EDIL3: variants seen among roughly 807,000 people sequenced by gnomAD.
EDIL3 encodes the protein EGF like and discoidin domains 3.
EDIL3 carries 37 observed loss-of-function variants against 67.4 expected under a neutral mutation model. That is an observed-to-expected ratio of 0.55 (90% CI 0.42 to 0.72). The LOEUF is 0.72. Among genes scored for constraint, EDIL3 ranks in the 30% least tolerant of loss-of-function variants. The probability of loss-of-function intolerance (pLI) is 0.00; values close to 1 mark genes in which losing one functional copy is unlikely to be tolerated. For missense variants in EDIL3, 527 were observed against 586.3 expected (o/e 0.90, Z 1.04); for synonymous variants, 195 against 196.3 (o/e 0.99, Z 0.05).
intron 1 of EDIL3, among the ~76,000 whole-genome samples, chr5:84,381,972 G>A (rs1748085604): frequency 6.6e-6 from 1 of 152,166 alleles, no homozygotes; most frequent in Non-Finnish European, 1.5e-5. Context: ...AATGATTGGG[G>A]GCGGGAAGGA....
Position 84,384,419 on chromosome 5 carries a change from C to A in EDIL3, c.-45G>T, listed in dbSNP as rs1449083653. 1.9e-6 allele frequency: 3 copies of A among 1,607,876 alleles called. No homozygotes were observed. The highest frequency in any genetic ancestry group is 1.7e-5 in the Admixed American group (1 of 59,578). ...GACCCCGGCTGGTCAGGGGTCGTCG[C>A]GGAGGGCAGTGTAGCCGAGGTGGCA... On this transcript the variant is annotated 5_prime_UTR_variant, in exon 1 of 11. Transcript: ENST00000296591.
In EDIL3 at chr5:84,265,136, GA is replaced by G. The variant is rs570377349; in HGVS notation, c.68-10925del. Among the ~76,000 whole-genome samples the G allele has an allele frequency of 5.1e-4, 77 of 151,940 alleles. No homozygotes were observed. The Middle Eastern group carries it at 0.01, about 20-fold the overall frequency. On this transcript the variant is annotated intron_variant, in intron 1 of 10. Coordinates refer to ENST00000296591, the MANE Select transcript of EDIL3 (RefSeq NM_005711.5). ...AAAGGTATGTAATGTTAAAATTACAGAAAAAAAATTGCAAAGCCTAATTTCA... is the reference window on the plus strand; with the variant it reads ...AAAGGTATGTAATGTTAAAATTACAGAAAAAAATTGCAAAGCCTAATTTCA...
chr5:84,319,625 A>G (rs1746591916), intron 1 of EDIL3, among the ~76,000 whole-genome samples: 2 of 151,688 alleles, frequency 1.3e-5, no homozygotes, highest in Admixed American at 1.3e-4. Flanking sequence ...TAGAAATACC[A>G]TTTGATCCAG....
chr5:83,943,278 G>T lies in EDIL3; in HGVS notation c.*141C>A. On this transcript the variant is annotated 3_prime_UTR_variant, in exon 11 of 11. Coordinates refer to ENST00000296591, the MANE Select transcript of EDIL3 (RefSeq NM_005711.5). Reference sequence around the variant, plus strand: ...AGGCTTAGACCCCCTTAAAAACACCGTTAGTTGCCTACCATAATTTGAGCA... The same window carrying T: ...AGGCTTAGACCCCCTTAAAAACACCTTTAGTTGCCTACCATAATTTGAGCA... The T allele has an allele frequency of 2.7e-6, 3 of 1,130,614 alleles. No individual in the cohort carries two copies. The highest frequency in any genetic ancestry group is 3.7e-6 in the Non-Finnish European group (3 of 805,420). The allele number at this position is 1,130,614 out of a possible 1,614,324, so 70.0% of individuals were successfully genotyped here.
At chr5:84,018,235 T>C (rs926617782) in intron 9 of EDIL3, among the ~76,000 whole-genome samples, 1 of 152,198 alleles carries the variant, frequency 6.6e-6, no homozygotes, top group Non-Finnish European at 1.5e-5. Context: ...TGACTACATC[T>C]AGGTGTGATT....
rs1746599521 is a variant in EDIL3, at chr5:84,064,561, C to T, written c.952+139G>A. 47 of 1,082,474 alleles carry T rather than the reference C, an allele frequency of 4.3e-5. 1 individual carries two copies. The South Asian group carries it at 8.0e-4, about 18-fold the overall frequency. 67.1% of individuals were successfully genotyped at this position (1,082,474 alleles called of 1,614,324 possible). A position where few individuals can be genotyped will look rare whatever the true frequency, so the allele number is the denominator to read the frequency against. On this transcript the variant is annotated intron_variant, in intron 8 of 10. Coordinates refer to ENST00000296591, the MANE Select transcript of EDIL3 (RefSeq NM_005711.5). The stretch of plus-strand genomic sequence containing the variant: ...TATACATAAACACACACTGGTTTTC[C>T]CTGAACCATGTTGTAGACATTTTTC...
chr5:84,207,713 A>G (rs1744015373), intron 3 of EDIL3, among the ~76,000 whole-genome samples: 1 of 152,086 alleles, frequency 6.6e-6, no homozygotes, highest in African/African-American at 2.4e-5. Context: ...AGATCAATGG[A>G]ACAGAACAGA....
intron 1 of EDIL3, among the ~76,000 whole-genome samples, chr5:84,278,745 T>C (rs1282162713): frequency 1.3e-5 from 2 of 152,160 alleles, no homozygotes; most frequent in Admixed American, 1.3e-4. Flanking sequence ...TGAATTGCCC[T>C]TGCTTAGGTA....
At chr5:84,201,868 T>C (rs1383961114) in intron 3 of EDIL3, among the ~76,000 whole-genome samples, 1 of 151,960 alleles carries the variant, frequency 6.6e-6, no homozygotes, top group Non-Finnish European at 1.5e-5. Context: ...AAAGAGAGAG[T>C]GCACTTCATG....
chr5:84,352,248 T>C (rs1420800842), intron 1 of EDIL3, among the ~76,000 whole-genome samples: 1 of 152,140 alleles, frequency 6.6e-6, no homozygotes, highest in African/African-American at 2.4e-5. Context: ...GAGCCAAAGA[T>C]AGAACTACCA....
chr5:84,202,417 T>C lies in EDIL3; in HGVS notation c.227-21896A>G, dbSNP rs549282943. On this transcript the variant is annotated intron_variant, in intron 3 of 10. Coordinates refer to ENST00000296591, the MANE Select transcript of EDIL3 (RefSeq NM_005711.5). ...GTTAATAGGAGTGTGATGTATTCAT[T>C]TCATAACATCTTTTTAAACTAAAAA... Among the ~76,000 whole-genome samples the C allele has an allele frequency of 3.9e-5, 6 of 152,294 alleles. No homozygotes were observed. The South Asian group carries it at 1.2e-3, about 32-fold the overall frequency.
intron 3 of EDIL3, among the ~76,000 whole-genome samples, chr5:84,229,331 G>A (rs181213211): frequency 5.2e-4 from 79 of 152,164 alleles, no homozygotes; most frequent in Middle Eastern, 3.4e-3. Context: ...CAAGTTGCAG[G>A]ATTATTAAAT....
At chr5:84,161,604 C>T (rs1029947451) in intron 4 of EDIL3, among the ~76,000 whole-genome samples, 15 of 152,008 alleles carry the variant, frequency 9.9e-5, no homozygotes, top group East Asian at 1.9e-4. Context: ...AATAAAAATG[C>T]CCTAAGCTTA....
intron 5 of EDIL3, 32 bp from the exon 6 acceptor site, chr5:84,106,862 TA>T: frequency 6.4e-7 from 1 of 1,570,912 alleles, no homozygotes; most frequent in Non-Finnish European, 8.6e-7. Context: ...AATATGAATG[TA>T]TTAGAAACAA....
intron 5 of EDIL3, among the ~76,000 whole-genome samples, chr5:84,126,747 T>A (rs1747876293): frequency 6.6e-6 from 1 of 152,092 alleles, no homozygotes; most frequent in South Asian, 2.1e-4. Flanking sequence ...CAAAGGACAC[T>A]TCTGTCCACC....
intron 5 of EDIL3, among the ~76,000 whole-genome samples, chr5:84,114,103 T>A (rs1561435358): frequency 6.6e-6 from 1 of 151,990 alleles, no homozygotes; most frequent in Admixed American, 6.6e-5. Context: ...GGATCAAGGC[T>A]ACTCTTTCTC....
rs55738450 is a variant in EDIL3 at position 84,319,494 on chromosome 5, CAAAAAAA to C, written c.67+64807_67+64813del. On this transcript the variant is annotated intron_variant, in intron 1 of 10. Coordinates refer to ENST00000296591, the MANE Select transcript of EDIL3 (RefSeq NM_005711.5). ...AAAAAAAACAAAAAACAAAAAACAA[CAAAAAAA>C]AAAAAAAAAAAAAAAAAAAAAAGAA... Among the ~76,000 whole-genome samples, 103 of 42,842 alleles carry C rather than the reference CAAAAAAA, an allele frequency of 2.4e-3. 3 individuals carry two copies. Among genetic ancestry groups the C allele is most frequent in the African/African-American group, 7.4e-3 (83 of 11,220 alleles). 28.1% of individuals were successfully genotyped at this position (42,842 alleles called of 152,430 possible). A position where few individuals can be genotyped will look rare whatever the true frequency, so the allele number is the denominator to read the frequency against.
chr5:84,107,600 C>A (rs555464526), intron 5 of EDIL3, among the ~76,000 whole-genome samples: 131 of 151,388 alleles, frequency 8.7e-4, no homozygotes, highest in African/African-American at 2.2e-3. Context: ...ACATTTGCAA[C>A]TGAGAAACTT....
At chr5:84,053,040 T>C (rs61057636) in intron 9 of EDIL3, among the ~76,000 whole-genome samples, 1,698 of 152,240 alleles carry the variant, frequency 0.011, 44 homozygotes, top group African/African-American at 0.038. Context: ...TACTCCAAAA[T>C]TGACCACACA....
Sources: allele counts gnomAD v4.1 joint callset (sites outside exome capture counted in the v4.1 genomes callset), GRCh38; gene constraint gnomAD v4.1.1; transcripts MANE v1.5; gene names NCBI Gene and HGNC (gene_info 2026-07-23, HGNC 2026-07-21).